PRDM2: variants seen among roughly 807,000 people sequenced by gnomAD.
PRDM2 encodes PR domain zinc finger protein 2.
In PRDM2, 30 loss-of-function variants were observed where a neutral mutation model predicts 130.0. That is an observed-to-expected ratio of 0.23 (90% CI 0.17 to 0.31). The LOEUF (loss-of-function observed/expected upper bound fraction) is 0.31, where lower values mean the gene tolerates loss of function less well. Ranked by LOEUF, PRDM2 falls within the 10% of genes least tolerant of loss-of-function variation. The probability of loss-of-function intolerance (pLI) is 1.00; values close to 1 mark genes in which losing one functional copy is unlikely to be tolerated. For missense variants in PRDM2, 2,011 were observed against 2,108.4 expected (o/e 0.95, Z 0.90); for synonymous variants, 871 against 782.4 (o/e 1.11, Z -1.89).
chr1:13,758,373 G>A (rs1400568035), intron 6 of PRDM2, among the ~76,000 whole-genome samples: 1 of 151,484 alleles, frequency 6.6e-6, no homozygotes, highest in Non-Finnish European at 1.5e-5. Context: ...CTTGAACTTG[G>A]GAGGCGGAGG....
rs530377058 is a variant in PRDM2, at chr1:13,821,128, C to A, written c.*24-2031C>A. Among the ~76,000 whole-genome samples the A allele has an allele frequency of 7.9e-5, 12 of 152,118 alleles. No individual in the cohort carries two copies. The South Asian group carries it at 2.5e-3, about 32-fold the overall frequency. ...CTATCCCTTCAGTGGCTACTTCACG[C>A]CTCTGTGTTTCAATTCACGCATCTG... is the stretch of plus-strand genomic sequence containing the variant. On this transcript the variant is annotated intron_variant, in intron 9 of 9. Coordinates refer to ENST00000311066, the MANE Select transcript of PRDM2 (RefSeq NM_001393986.1).
intron 2 of PRDM2, among the ~76,000 whole-genome samples, chr1:13,727,843 GAATC>G (rs2100459168): frequency 6.6e-6 from 1 of 152,282 alleles, no homozygotes; most frequent in South Asian, 2.1e-4. Context: ...TTTAGTATAA[GAATC>G]AAGATGAACC....
intron 1 of PRDM2, among the ~76,000 whole-genome samples, chr1:13,715,030 T>C (rs1293214731): frequency 2.6e-5 from 4 of 152,246 alleles, no homozygotes; most frequent in African/African-American, 9.6e-5. Flanking sequence ...ATTAAAACAT[T>C]TGCATTTTAC....
In PRDM2 at chr1:13,778,982, G is replaced by A; in HGVS notation, c.1187G>A (p.Gly396Glu). 1 of 1,614,186 alleles carries A rather than the reference G, an allele frequency of 6.2e-7. No individual in the cohort carries two copies. The highest frequency in any genetic ancestry group is 8.5e-7 in the Non-Finnish European group (1 of 1,180,034). ...CATGCTTTCAAATGCAAGTACTGTG[G>A]GAAAGCCTTTGGCACACAGATTAAC... ...VNHAFKCKYC[G>E]KAFGTQINRR... is the part of the protein sequence containing the mutation. The change falls in exon 8 of 10, where the codon GGG becomes GAG. Residue 396 changes from glycine to glutamate, a missense_variant. Around this residue, in one of 5 missense-constraint regions of PRDM2, gnomAD observed 1,288 missense variants for 1,237.7 expected, o/e 1.04. Transcript: ENST00000311066.
In PRDM2 at chr1:13,780,571, G is replaced by A; in HGVS notation, c.2776G>A (p.Asp926Asn). 1.9e-6 allele frequency: 3 copies of A among 1,614,132 alleles called. No homozygotes were observed. Among genetic ancestry groups the A allele is most frequent in the Non-Finnish European group, 2.5e-6 (3 of 1,180,032 alleles). Residue 926 changes from aspartate (D) to asparagine (N), a missense_variant, in exon 8 of 10, where the codon GAC (aspartate) becomes AAC (asparagine). Coordinates refer to ENST00000311066, the MANE Select transcript of PRDM2 (RefSeq NM_001393986.1). ...ATCCCTAGAAGCTCAGCCAGATCCT[G>A]ACCTCGGTCCGGGCTCTGGTTTCCC... is the stretch of plus-strand genomic sequence containing the variant. ...CKSLEAQPDP[D>N]LGPGSGFPAP...
Position 13,782,387 on chromosome 1 carries a change from T to G in PRDM2, c.4592T>G (p.Leu1531Trp). The change falls in exon 8 of 10, where the codon TTG becomes TGG. Residue 1531 changes from leucine (L) to tryptophan (W), a missense_variant. Leu to Trp is a moderately conservative substitution (Grantham distance 61). This residue lies in a region of PRDM2 where 410 missense variants were observed against 395.9 expected (regional missense o/e 1.04). Coordinates refer to ENST00000311066, the MANE Select transcript of PRDM2 (RefSeq NM_001393986.1). The stretch of plus-strand genomic sequence containing the variant: ...AAAATGCAAAGCATGCAGACTCCGT[T>G]GGGCAAGACCAGAGCCCGCAGCTCA... ...EIKMQSMQTP[L>W]GKTRARSSGP... 2 of 1,613,404 alleles carry G rather than the reference T, an allele frequency of 1.2e-6. No homozygotes were observed. Among genetic ancestry groups the G allele is most frequent in the Non-Finnish European group, 1.7e-6 (2 of 1,179,954 alleles).
intron 6 of PRDM2, among the ~76,000 whole-genome samples, 159 bp downstream of exon 6, chr1:13,749,646 C>A (rs948492468): frequency 6.6e-6 from 1 of 151,066 alleles, no homozygotes; most frequent in African/African-American, 2.4e-5. Context: ...CTCGGCCCTG[C>A]CCCGGCCCCG....
At position 13,789,692 on chromosome 1, in the gene PRDM2, G is replaced by A. The variant is rs138759898; in HGVS notation, c.5036+6861G>A. ...GGGTTTTGATTTGATATTGAACCTC[G>A]CTTTGAATATATTGACTTGAATCCA... On this transcript the variant is annotated intron_variant, in intron 8 of 9. Coordinates refer to ENST00000311066, the MANE Select transcript of PRDM2 (RefSeq NM_001393986.1). Among the ~76,000 whole-genome samples the A allele has an allele frequency of 9.9e-5, 15 of 152,132 alleles. No homozygotes were observed. In the East Asian group the frequency reaches 2.7e-3, roughly 27 times the overall value.
intron 6 of PRDM2, among the ~76,000 whole-genome samples, chr1:13,757,631 GATTA>G (rs1439331730): frequency 6.6e-6 from 1 of 152,164 alleles, no homozygotes; most frequent in Non-Finnish European, 1.5e-5. Flanking sequence ...GTAGTCTAAA[GATTA>G]ATTACAGAAA....
intron 2 of PRDM2, among the ~76,000 whole-genome samples, chr1:13,726,619 G>C (rs1642925633): frequency 6.6e-6 from 1 of 152,188 alleles, no homozygotes; most frequent in South Asian, 2.1e-4. Flanking sequence ...GAGGTAGGAA[G>C]TTGGAAACAT....
Position 13,780,016 on chromosome 1 carries a change from C to T in PRDM2, c.2221C>T (p.Pro741Ser). Residue 741 changes from proline to serine, a missense_variant, in exon 8 of 10, where the codon CCC becomes TCC. Pro to Ser is a moderately conservative substitution (Grantham distance 74, BLOSUM62 -1). This residue lies in a region of PRDM2 where 1,288 missense variants were observed against 1,237.7 expected (regional missense o/e 1.04). Transcript: ENST00000311066. Reference protein sequence around the residue: ...SRFKRRTSSPPSSPQHSPALR... With the variant: ...SRFKRRTSSPSSSPQHSPALR... ...GTTTAAGAGGCGGACCAGCTCTCCTCCCAGTTCTCCACAGCACAGTCCTGC... is the reference window on the plus strand; with the variant it reads ...GTTTAAGAGGCGGACCAGCTCTCCTTCCAGTTCTCCACAGCACAGTCCTGC... The T allele has an allele frequency of 6.2e-7, 1 of 1,614,206 alleles. No individual in the cohort carries two copies. The highest frequency in any genetic ancestry group is 8.5e-7 in the Non-Finnish European group (1 of 1,180,036).
intron 8 of PRDM2, among the ~76,000 whole-genome samples, chr1:13,802,201 A>C (rs1645018422): frequency 6.6e-6 from 1 of 152,190 alleles, no homozygotes; most frequent in South Asian, 2.1e-4. Flanking sequence ...GGGCAGCGTC[A>C]TCCCCGTGTT....
intron 1 of PRDM2, among the ~76,000 whole-genome samples, chr1:13,714,847 A>G (rs1642484127): frequency 6.6e-6 from 1 of 152,252 alleles, no homozygotes; most frequent in Admixed American, 6.5e-5. Flanking sequence ...GAATTACATC[A>G]AATGACTCAA....
chr1:13,768,695 A>G (rs909825577), intron 6 of PRDM2, among the ~76,000 whole-genome samples: 2 of 152,100 alleles, frequency 1.3e-5, no homozygotes, highest in Admixed American at 6.6e-5. Flanking sequence ...TTGAGTTTTC[A>G]TTCTGGCTTT....
intron 8 of PRDM2, among the ~76,000 whole-genome samples, chr1:13,804,212 T>C (rs1645053516): frequency 1.3e-5 from 2 of 152,142 alleles, no homozygotes; most frequent in African/African-American, 4.8e-5. Flanking sequence ...TCAACTGTGT[T>C]GTCCCCACTG....
intron 7 of PRDM2, among the ~76,000 whole-genome samples, chr1:13,773,964 C>G (rs937979709): frequency 6.6e-6 from 1 of 152,184 alleles, no homozygotes; most frequent in Non-Finnish European, 1.5e-5. Context: ...TAAGCATTTA[C>G]TTACAATGTC....
rs1430484689 is a variant in PRDM2 at position 13,778,373 on chromosome 1, TTCCCATGCTTCAC to T, written c.623-43_623-31del. On this transcript the variant is annotated intron_variant, in intron 7 of 9. Transcript: ENST00000311066. ...TCAGATTGTTCACCAAGTAGCTGGT[TTCCCATGCTTCAC>T]TTCCATGCTTCTGCTTCCATGTGCT... 38 of 1,524,472 alleles carry T rather than the reference TTCCCATGCTTCAC, an allele frequency of 2.5e-5. No individual in the cohort carries two copies. The Admixed American group carries it at 8.5e-4, about 34-fold the overall frequency. The allele number at this position is 1,524,472 out of a possible 1,614,324, so 94.4% of individuals were successfully genotyped here.
At chr1:13,746,261 G>C (rs1204093137) in intron 5 of PRDM2, among the ~76,000 whole-genome samples, 1 of 151,546 alleles carries the variant, frequency 6.6e-6, no homozygotes, top group Non-Finnish European at 1.5e-5. Flanking sequence ...TTTTTTTAAT[G>C]TGGATTTATA....
chr1:13,803,020 G>A lies in PRDM2; in HGVS notation c.5037-13407G>A, dbSNP rs191840490. On this transcript the variant is annotated intron_variant, in intron 8 of 9. Transcript: ENST00000311066. The surrounding 1 kb of genome is among the most constrained non-coding windows in gnomAD (Gnocchi z 6.2). ...TGGGCTTCTCTCACCCGGGCTGGTC[G>A]TGTCACGGGCAGTGACGGTGTTTCC... 5.9e-5 allele frequency among the ~76,000 whole-genome samples: 9 copies of A among 152,302 alleles called. No individual in the cohort carries two copies. The East Asian group carries it at 7.7e-4, about 13-fold the overall frequency.
Sources: allele counts gnomAD v4.1 joint callset (sites outside exome capture counted in the v4.1 genomes callset), GRCh38; gene constraint gnomAD v4.1.1; regional missense constraint gnomAD v4.1.1; non-coding constraint Gnocchi (gnomAD v3.1); transcripts MANE v1.5; gene names NCBI Gene and HGNC (gene_info 2026-07-23, HGNC 2026-07-21).